The following UBE2U variants were observed in gnomAD, a reference collection of about 807,000 sequenced individuals.
The protein encoded by UBE2U is ubiquitin conjugating enzyme E2 U.
In UBE2U, 39 loss-of-function variants were observed where a neutral mutation model predicts 41.2. The ratio of observed to expected loss-of-function variants is 0.95; its 90% CI spans 0.73 to 1.24. The LOEUF (loss-of-function observed/expected upper bound fraction) is 1.24, where lower values mean the gene tolerates loss of function less well. Ranked by LOEUF, UBE2U falls within the 50% of genes most tolerant of loss-of-function variation. UBE2U has a pLI of 0.00. For missense variants in UBE2U, 336 were observed against 363.1 expected (o/e 0.93, Z 0.61); for synonymous variants, 107 against 117.8 (o/e 0.91, Z 0.60).
At chr1:64,250,722 A>C (rs904852055) in intron 8 of UBE2U, among the ~76,000 whole-genome samples, 1 of 152,110 alleles carries the variant, frequency 6.6e-6, no homozygotes, top group Non-Finnish European at 1.5e-5. Context: ...ACCATGGAAT[A>C]CTATGCAGCC....
intron 7 of UBE2U, among the ~76,000 whole-genome samples, chr1:64,241,335 C>T (rs902774218): frequency 4.6e-5 from 7 of 152,112 alleles, no homozygotes; most frequent in African/African-American, 1.7e-4. Context: ...CTGTTAATGC[C>T]TAAGGTAGGT....
intron 8 of UBE2U, among the ~76,000 whole-genome samples, chr1:64,241,981 T>A (rs1331861796): frequency 6.6e-6 from 1 of 152,080 alleles, no homozygotes; most frequent in Non-Finnish European, 1.5e-5. Flanking sequence ...AGTGAAGAAA[T>A]CTCGTAATAT....
In UBE2U at chr1:64,226,095, G is replaced by A. The variant is rs111864294; in HGVS notation, c.506+5188G>A. Among the ~76,000 whole-genome samples, 198 of 152,052 alleles carry A rather than the reference G, an allele frequency of 1.3e-3. 1 individual carries two copies. The highest frequency in any genetic ancestry group is 2.1e-3 in the Non-Finnish European group (145 of 67,990). Reference sequence around the variant, plus strand: ...TCGTAGCAGCTTTATTTATAATATCGCAAACTAGAAACAACCAAAATGTCC... The same window carrying A: ...TCGTAGCAGCTTTATTTATAATATCACAAACTAGAAACAACCAAAATGTCC... On this transcript the variant is annotated intron_variant, in intron 6 of 9. Transcript: ENST00000371077.
intron 4 of UBE2U, among the ~76,000 whole-genome samples, chr1:64,213,800 A>C (rs1298743601): frequency 6.6e-6 from 1 of 152,208 alleles, no homozygotes; most frequent in Non-Finnish European, 1.5e-5. Context: ...AAAATCATGG[A>C]GCGTACTTAC....
At chr1:64,211,962 G>T (rs112812964) in intron 4 of UBE2U, among the ~76,000 whole-genome samples, 2,498 of 152,032 alleles carry the variant, frequency 0.016, 72 homozygotes, top group African/African-American at 0.056. Context: ...TTTAAATATA[G>T]AATTATAATA....
chr1:64,248,284 T>G (rs1296970592), intron 8 of UBE2U, among the ~76,000 whole-genome samples: 1 of 152,150 alleles, frequency 6.6e-6, no homozygotes, highest in Non-Finnish European at 1.5e-5. Context: ...GCTTAGGTCC[T>G]GCTCAGGTTC....
chr1:64,204,154 G>T (rs1198607984), intron 1 of UBE2U, 38 bp downstream of exon 1: 2 of 1,579,766 alleles, frequency 1.3e-6, no homozygotes, highest in South Asian at 1.2e-5. Flanking sequence ...GTTTCATTGT[G>T]CAATAATTTT....
intron 9 of UBE2U, among the ~76,000 whole-genome samples, chr1:64,262,069 T>C (rs1023839741): frequency 1.3e-5 from 2 of 152,178 alleles, no homozygotes; most frequent in African/African-American, 2.4e-5. Flanking sequence ...GTCATGATTG[T>C]TTGTTCCCTA....
chr1:64,204,133 TG>T lies in UBE2U; in HGVS notation c.66+19del. 1 of 1,606,376 alleles carries T rather than the reference TG, an allele frequency of 6.2e-7. No individual in the cohort carries two copies. The highest frequency in any genetic ancestry group is 8.5e-7 in the Non-Finnish European group (1 of 1,175,290). On this transcript the variant is annotated intron_variant, in intron 1 of 9. Coordinates refer to ENST00000371077, the MANE Select transcript of UBE2U (RefSeq NM_001366232.2). ...AATTATAAGGTAAGTACTGGGCACG[TG>T]GAGAGATGTGTTTCATTGTGCAATA...
At position 64,207,140 on chromosome 1, in the gene UBE2U, G is replaced by T. The variant is rs372065470; in HGVS notation, c.241+284G>T. 1.8e-3 allele frequency among the ~76,000 whole-genome samples: 270 copies of T among 152,156 alleles called. 1 individual carries two copies. The highest frequency in any genetic ancestry group is 1.5e-3 in the Non-Finnish European group (104 of 67,976). ...CATGAAGTTTTGCCTCTAGGTTTTT[G>T]ATTTTATTTATTTTATGGTGTTTTT... is the stretch of plus-strand genomic sequence containing the variant. On this transcript the variant is annotated intron_variant, in intron 3 of 9. Transcript: ENST00000371077.
At chr1:64,255,118 A>C (rs909167921) in intron 8 of UBE2U, among the ~76,000 whole-genome samples, 4 of 152,162 alleles carry the variant, frequency 2.6e-5, no homozygotes, top group African/African-American at 9.7e-5. Context: ...AATACAAACA[A>C]CAACCAGAGA....
chr1:64,266,048 C>T (rs142697113), intron 9 of UBE2U, among the ~76,000 whole-genome samples: 11 of 152,228 alleles, frequency 7.2e-5, no homozygotes, highest in East Asian at 3.9e-4. Context: ...GCAGTGAATC[C>T]GGTGACAACT....
intron 4 of UBE2U, among the ~76,000 whole-genome samples, chr1:64,214,359 G>A (rs1323890123): frequency 6.6e-6 from 1 of 152,014 alleles, no homozygotes; most frequent in Non-Finnish European, 1.5e-5. Context: ...CTACAGTGAT[G>A]GGCAATACAA....
chr1:64,254,695 A>C (rs1645063952), intron 8 of UBE2U, among the ~76,000 whole-genome samples: 1 of 152,196 alleles, frequency 6.6e-6, no homozygotes, highest in Non-Finnish European at 1.5e-5. Context: ...AAAGAAATTA[A>C]GGGAGAAATC....
At chr1:64,258,206 A>G (rs898336548) in intron 8 of UBE2U, among the ~76,000 whole-genome samples, 3 of 152,096 alleles carry the variant, frequency 2.0e-5, no homozygotes, top group Non-Finnish European at 4.4e-5. Flanking sequence ...TGTTCTTCCT[A>G]TATTATTAGC....
intron 8 of UBE2U, chr1:64,244,059 G>T: frequency 9.7e-7 from 1 of 1,028,450 alleles, no homozygotes; most frequent in South Asian, 1.3e-5. Flanking sequence ...TCTGGTGCAT[G>T]GCAAGCACTC....
chr1:64,259,798 C>G (rs1645153686), intron 8 of UBE2U, among the ~76,000 whole-genome samples: 1 of 151,930 alleles, frequency 6.6e-6, no homozygotes, highest in African/African-American at 2.4e-5. Context: ...CTCCCATAAG[C>G]CTGTTGTTTT....
At chr1:64,222,753 A>G (rs1652576355) in intron 6 of UBE2U, among the ~76,000 whole-genome samples, 1 of 152,254 alleles carries the variant, frequency 6.6e-6, no homozygotes, top group Non-Finnish European at 1.5e-5. Flanking sequence ...ATTCAAAGAA[A>G]GATGCTGCTG....
chr1:64,213,083 T>C lies in UBE2U; in HGVS notation c.340-1732T>C, dbSNP rs116342795. Among the ~76,000 whole-genome samples, 446 of 152,300 alleles carry C rather than the reference T, an allele frequency of 2.9e-3. 6 individuals are homozygous for C. Among genetic ancestry groups the C allele is most frequent in the Middle Eastern group, 0.014 (4 of 294 alleles). ...AAGAGCTTTCTGCTCTTTTCTCCTG[T>C]TTTTCAGTTTAAAATCTTTCAGTGG... On this transcript the variant is annotated intron_variant, in intron 4 of 9. Coordinates refer to ENST00000371077, the MANE Select transcript of UBE2U (RefSeq NM_001366232.2).
Sources: gnomAD v4.1 joint callset for allele counts (sites outside exome capture counted in the v4.1 genomes callset) on GRCh38, gnomAD v4.1.1 for gene constraint, MANE v1.5 for transcripts, NCBI Gene and HGNC (gene_info 2026-07-23, HGNC 2026-07-21) for gene names.